The following ESRP1 variants were observed in gnomAD, a reference collection of about 807,000 sequenced individuals.
The protein encoded by ESRP1 is RNA-binding motif protein 35A.
A neutral mutation model predicts 81.7 loss-of-function variants in ESRP1; 33 were observed. The observed-to-expected ratio is 0.40, with a 90% CI of 0.31 to 0.54. ESRP1 has a LOEUF of 0.54. Among genes scored for constraint, ESRP1 ranks in the 20% least tolerant of loss-of-function variants. The probability of loss-of-function intolerance (pLI) is 0.41; values close to 1 mark genes in which losing one functional copy is unlikely to be tolerated. For missense variants in ESRP1, 672 were observed against 833.1 expected, an observed-to-expected ratio of 0.81 and a Z score of 2.38; for synonymous variants, 320 against 303.3, an observed-to-expected ratio of 1.06 and a Z score of -0.57.
intron 13 of ESRP1, among the ~76,000 whole-genome samples, chr8:94,681,168 T>C (rs982110905): frequency 1.3e-5 from 2 of 149,786 alleles, no homozygotes; most frequent in South Asian, 2.1e-4. Context: ...TACTAAAAAA[T>C]ACAAAAAATT....
intron 4 of ESRP1, 94 bp downstream of exon 4, chr8:94,646,376 A>G (rs1001032870): frequency 2.3e-6 from 2 of 853,750 alleles, no homozygotes; most frequent in African/African-American, 1.7e-5. Context: ...TTTTGTCAGC[A>G]TATGGATAAA....
chr8:94,662,422 C>T (rs1207717982), intron 5 of ESRP1, 52 bp downstream of exon 5: 4 of 1,531,388 alleles, frequency 2.6e-6, no homozygotes, highest in Non-Finnish European at 3.6e-6. Flanking sequence ...CTATTTTTCT[C>T]TTACCTATAC....
intron 13 of ESRP1, among the ~76,000 whole-genome samples, chr8:94,685,239 G>T (rs1403143399): frequency 1.3e-5 from 2 of 151,816 alleles, no homozygotes; most frequent in African/African-American, 4.8e-5. Context: ...TGATGTGGTG[G>T]GCATCTTGGC....
chr8:94,668,991 C>T (rs1044160452), intron 10 of ESRP1, among the ~76,000 whole-genome samples: 6 of 152,088 alleles, frequency 3.9e-5, no homozygotes, highest in Admixed American at 1.3e-4. Flanking sequence ...TGGGGTTTCG[C>T]GGCAGGCTGT....
Position 94,643,336 on chromosome 8 carries a change from GGAGTAGGGACTTCC to G in ESRP1, c.296_309del (p.Gly99ValfsTer6). On this transcript the variant is annotated frameshift_variant, in exon 3 of 16. Transcript: ENST00000433389. LOFTEE classifies it high-confidence loss of function. Reference sequence around the variant, plus strand: ...GTCAGTGAGCAATGAACTGAATATTGGAGTAGGGACTTCCTTCTGTCTCTGTACTGATGGGCAGC... The same window carrying G: ...GTCAGTGAGCAATGAACTGAATATTGTTCTGTCTCTGTACTGATGGGCAGC... 6.2e-7 allele frequency: 1 copy of G among 1,613,458 alleles called. No individual in the cohort carries two copies. Among genetic ancestry groups the G allele is most frequent in the South Asian group, 1.1e-5 (1 of 91,064 alleles).
chr8:94,665,522 C>T (rs138757465), intron 9 of ESRP1, among the ~76,000 whole-genome samples: 285 of 152,276 alleles, frequency 1.9e-3, no homozygotes, highest in African/African-American at 6.6e-3. Flanking sequence ...GACAGAGTTT[C>T]GCTCTGTCAC....
intron 15 of ESRP1, among the ~76,000 whole-genome samples, chr8:94,701,136 G>T (rs1313073501): frequency 6.6e-6 from 1 of 151,868 alleles, no homozygotes; most frequent in Non-Finnish European, 1.5e-5. Context: ...TTAGCTGGGT[G>T]TGGTGGTGTG....
chr8:94,648,447 A>G (rs1817948105), intron 4 of ESRP1, among the ~76,000 whole-genome samples: 1 of 152,226 alleles, frequency 6.6e-6, no homozygotes, highest in African/African-American at 2.4e-5. Context: ...AGGCTACCAG[A>G]CCAATTTCTG....
chr8:94,664,979 C>A lies in ESRP1; in HGVS notation c.808C>A (p.Leu270Met), dbSNP rs1378998144. Residue 270 changes from leucine (L) to methionine (M), a missense_variant, in exon 8 of 16, where the codon CTG becomes ATG. Transcript: ENST00000433389. Reference sequence around the variant, plus strand: ...TCAGGGTCGAAGGAACGGAGAAGCTCTGGTTAGGTTTGTAAGTGAGGAGCA... The same window carrying A: ...TCAGGGTCGAAGGAACGGAGAAGCTATGGTTAGGTTTGTAAGTGAGGAGCA... Reference protein sequence around the residue: ...NAQGRRNGEALVRFVSEEHRD... With the variant: ...NAQGRRNGEAMVRFVSEEHRD... The A allele has an allele frequency of 6.2e-7, 1 of 1,613,390 alleles. No homozygotes were observed. Among genetic ancestry groups the A allele is most frequent in the Admixed American group, 1.7e-5 (1 of 59,936 alleles).
chr8:94,701,274 C>CA (rs1165195392), intron 15 of ESRP1, among the ~76,000 whole-genome samples: 6,827 of 94,228 alleles, frequency 0.072, 324 homozygotes, highest in African/African-American at 0.17. Flanking sequence ...GACTCCATCT[C>CA]AAAAAAAAAA....
In ESRP1 at chr8:94,664,776, G is replaced by A; in HGVS notation, c.724G>A (p.Ala242Thr). 1 of 1,613,892 alleles carries A rather than the reference G, an allele frequency of 6.2e-7. No individual in the cohort carries two copies. The highest frequency in any genetic ancestry group is 8.5e-7 in the Non-Finnish European group (1 of 1,179,834). Residue 242 changes from alanine (A) to threonine (T), a missense_variant, in exon 7 of 16, where the codon GCA becomes ACA. Transcript: ENST00000433389. ...LPWQSSDQDI[A>T]RFFKGLNIAK... The stretch of plus-strand genomic sequence containing the variant: ...ATGGCAGTCTTCAGATCAAGATATT[G>A]CAAGATTCTTCAAAGGACTCAATAT...
In ESRP1 at chr8:94,641,335, A is replaced by C; in HGVS notation, c.17A>C (p.Asp6Ala). 1 of 1,584,134 alleles carries C rather than the reference A, an allele frequency of 6.3e-7. No homozygotes were observed. The highest frequency in any genetic ancestry group is 8.6e-7 in the Non-Finnish European group (1 of 1,160,316). ...CCTATCGTCATGACGGCCTCTCCGGATTACTTGGTGGTGCTTTTTGGGATC... is the reference window on the plus strand; with the variant it reads ...CCTATCGTCATGACGGCCTCTCCGGCTTACTTGGTGGTGCTTTTTGGGATC... MTASP[D>A]YLVVLFGITA... Residue 6 changes from aspartate (D) to alanine (A), a missense_variant, in exon 1 of 16, where the codon GAT (aspartate) becomes GCT (alanine). By Grantham distance (126) the Asp-to-Ala change is moderately radical. Transcript: ENST00000433389.
At chr8:94,642,655 A>G (rs1265030048) in intron 2 of ESRP1, among the ~76,000 whole-genome samples, 1 of 152,224 alleles carries the variant, frequency 6.6e-6, no homozygotes, top group Non-Finnish European at 1.5e-5. Flanking sequence ...CCGAACGTGC[A>G]AGGCTGCCCG....
chr8:94,677,879 G>A (rs1484282564), intron 12 of ESRP1, among the ~76,000 whole-genome samples: 1 of 152,152 alleles, frequency 6.6e-6, no homozygotes, highest in South Asian at 2.1e-4. Flanking sequence ...TTTCCTCTGA[G>A]AGTTGGTTTG....
chr8:94,669,106 C>G (rs533198725), intron 10 of ESRP1, among the ~76,000 whole-genome samples: 9 of 152,210 alleles, frequency 5.9e-5, no homozygotes, highest in African/African-American at 2.2e-4. Flanking sequence ...TTTTGAGGCA[C>G]AAAATGAGGC....
chr8:94,651,590 C>G (rs1327250558), intron 4 of ESRP1, among the ~76,000 whole-genome samples: 1 of 151,628 alleles, frequency 6.6e-6, no homozygotes, highest in Non-Finnish European at 1.5e-5. Flanking sequence ...AAAGTAGGAC[C>G]ATTTTGATGA....
At chr8:94,667,068 G>GTGT (rs140453014) in intron 9 of ESRP1, among the ~76,000 whole-genome samples, 1 of 144,244 alleles carries the variant, frequency 6.9e-6, no homozygotes, top group African/African-American at 2.6e-5. Flanking sequence ...CCAGGAGAGG[G>GTGT]GTGTGTGTGT....
intron 4 of ESRP1, among the ~76,000 whole-genome samples, chr8:94,656,692 T>C (rs1818443798): frequency 6.6e-6 from 1 of 152,230 alleles, no homozygotes; most frequent in African/African-American, 2.4e-5. Flanking sequence ...ATTGTGTTAC[T>C]ATACAATAAA....
At chr8:94,671,375 C>T in intron 10 of ESRP1, 78 bp from the exon 11 acceptor site, 2 of 1,227,088 alleles carry the variant, frequency 1.6e-6, no homozygotes, top group Non-Finnish European at 2.3e-6. Flanking sequence ...ACGAGCTTCC[C>T]AGTGATGCCA....
Sources: allele counts gnomAD v4.1 joint callset (sites outside exome capture counted in the v4.1 genomes callset), GRCh38; gene constraint gnomAD v4.1.1; transcripts MANE v1.5; gene names NCBI Gene and HGNC (gene_info 2026-07-23, HGNC 2026-07-21).